CDH18: variants seen among roughly 807,000 people sequenced by gnomAD.
CDH18 encodes cadherin-18.
A neutral mutation model predicts 67.9 loss-of-function variants in CDH18; 31 were observed. The observed-to-expected ratio is 0.46, with a 90% CI of 0.34 to 0.62. CDH18 has a LOEUF of 0.62. Among genes scored for constraint, CDH18 ranks in the 20% least tolerant of loss-of-function variants. The pLI, the probability that CDH18 is intolerant of heterozygous loss-of-function variation, is 0.01. For synonymous variants in CDH18, 362 were observed against 347.2 expected, an observed-to-expected ratio of 1.04 and a Z score of -0.48; for missense variants, 890 against 975.5, an observed-to-expected ratio of 0.91 and a Z score of 1.17.
chr5:19,600,474 A>G (rs1240862572), intron 6 of CDH18, among the ~76,000 whole-genome samples: 1 of 151,160 alleles, frequency 6.6e-6, no homozygotes, highest in East Asian at 1.9e-4. Context: ...GTCGATGCTT[A>G]GGGTCACTAA....
chr5:19,597,892 T>C (rs1004844904), intron 6 of CDH18, among the ~76,000 whole-genome samples: 1 of 152,216 alleles, frequency 6.6e-6, no homozygotes, highest in African/African-American at 2.4e-5. Flanking sequence ...TCTTTTTTTG[T>C]ATTTTTTATT....
intron 1 of CDH18, among the ~76,000 whole-genome samples, chr5:20,360,524 C>A (rs991767567): frequency 4.6e-5 from 7 of 152,114 alleles, no homozygotes; most frequent in African/African-American, 1.7e-4. Context: ...GAATTAGGTG[C>A]CAAATGGCAA....
intron 6 of CDH18, among the ~76,000 whole-genome samples, chr5:19,611,849 C>T (rs569361697): frequency 1.3e-4 from 20 of 151,870 alleles, no homozygotes; most frequent in Admixed American, 2.6e-4. Context: ...TCCTCTCCCC[C>T]CAAAATTGCC....
chr5:19,824,525 GC>G (rs1780210297), intron 3 of CDH18, among the ~76,000 whole-genome samples: 1 of 152,186 alleles, frequency 6.6e-6, no homozygotes, highest in South Asian at 2.1e-4. Flanking sequence ...CAGGCAGAGA[GC>G]CACCCGGACA....
intron 1 of CDH18, among the ~76,000 whole-genome samples, chr5:19,982,127 A>G (rs1799112758): frequency 6.6e-6 from 1 of 152,178 alleles, no homozygotes; most frequent in Admixed American, 6.6e-5. Context: ...AGTTATCAAA[A>G]TAGGAACTTT....
chr5:19,888,434 T>C (rs1372671161), intron 2 of CDH18, among the ~76,000 whole-genome samples: 1 of 152,080 alleles, frequency 6.6e-6, no homozygotes, highest in Non-Finnish European at 1.5e-5. Flanking sequence ...TATCTTTCAT[T>C]AGATTTATTT....
intron 1 of CDH18, among the ~76,000 whole-genome samples, chr5:20,259,633 A>G (rs998415137): frequency 6.6e-6 from 1 of 152,156 alleles, no homozygotes; most frequent in African/African-American, 2.4e-5. Flanking sequence ...GAACATACAA[A>G]ATATGTGTTA....
intron 2 of CDH18, among the ~76,000 whole-genome samples, chr5:20,018,368 T>C (rs1738076414): frequency 6.6e-6 from 1 of 152,132 alleles, no homozygotes; most frequent in African/African-American, 2.4e-5. Flanking sequence ...GAAATAGACA[T>C]AGAGTTTTAG....
intron 5 of CDH18, among the ~76,000 whole-genome samples, chr5:19,684,378 C>T (rs1446827414): frequency 2.6e-5 from 4 of 151,236 alleles, no homozygotes; most frequent in Non-Finnish European, 5.9e-5. Context: ...AATTAACATA[C>T]ACACCAACAT....
chr5:20,103,071 A>T (rs1403883629), intron 2 of CDH18, among the ~76,000 whole-genome samples: 1 of 152,238 alleles, frequency 6.6e-6, no homozygotes, highest in Admixed American at 6.5e-5. Flanking sequence ...GCATATCAGT[A>T]ACTCAATGCC....
At chr5:20,220,382 T>C (rs577115314) in intron 2 of CDH18, among the ~76,000 whole-genome samples, 10 of 152,034 alleles carry the variant, frequency 6.6e-5, no homozygotes, top group African/African-American at 2.2e-4. Context: ...AGGAAAAGGA[T>C]AGTCGCTTTT....
At chr5:19,745,174 G>A (rs1273922296) in intron 4 of CDH18, among the ~76,000 whole-genome samples, 2 of 152,134 alleles carry the variant, frequency 1.3e-5, no homozygotes, top group African/African-American at 4.8e-5. Flanking sequence ...TTAGGTACCA[G>A]GACAATAATT....
chr5:20,554,792 GTTGGAACAC>G (rs1211590870), intron 1 of CDH18, among the ~76,000 whole-genome samples: 1 of 152,166 alleles, frequency 6.6e-6, no homozygotes, highest in African/African-American at 2.4e-5. Context: ...CAGCTTATGA[GTTGGAACAC>G]TTGAACCCTG....
chr5:20,355,347 C>T (rs1284297672), intron 1 of CDH18, among the ~76,000 whole-genome samples: 1 of 152,198 alleles, frequency 6.6e-6, no homozygotes, highest in East Asian at 1.9e-4. Flanking sequence ...TGAACTTTTC[C>T]AAACTTGACA....
chr5:20,149,819 A>G (rs1293514940), intron 2 of CDH18, among the ~76,000 whole-genome samples: 1 of 152,116 alleles, frequency 6.6e-6, no homozygotes, highest in Non-Finnish European at 1.5e-5. Flanking sequence ...AGAAAGCTTT[A>G]TTTTTAACTA....
chr5:20,323,677 T>C (rs1324035292), intron 1 of CDH18, among the ~76,000 whole-genome samples: 3 of 152,300 alleles, frequency 2.0e-5, no homozygotes, highest in South Asian at 4.1e-4. Context: ...CCAGTAAAAA[T>C]TGTGGCACTA....
At chr5:20,123,520 C>A (rs1748548909) in intron 2 of CDH18, among the ~76,000 whole-genome samples, 1 of 152,196 alleles carries the variant, frequency 6.6e-6, no homozygotes, top group Non-Finnish European at 1.5e-5. Context: ...CTCCTTTAAG[C>A]TCCCATTATT....
At chr5:20,559,786 T>C (rs1345443441) in intron 1 of CDH18, among the ~76,000 whole-genome samples, 4 of 152,112 alleles carry the variant, frequency 2.6e-5, no homozygotes, top group Admixed American at 1.3e-4. Flanking sequence ...GTTTTATGCA[T>C]AGTTTGATGT....
intron 1 of CDH18, among the ~76,000 whole-genome samples, chr5:20,469,765 A>T (rs2150236821): frequency 6.6e-6 from 1 of 152,276 alleles, no homozygotes; most frequent in Non-Finnish European, 1.5e-5. Context: ...TAGTGGTATC[A>T]TTCAGGATCC....
Sources: allele counts gnomAD v4.1 joint callset (sites outside exome capture counted in the v4.1 genomes callset), GRCh38; gene constraint gnomAD v4.1.1; transcripts MANE v1.5; gene names NCBI Gene and HGNC (gene_info 2026-07-23, HGNC 2026-07-21).